CCDC171: variants seen among roughly 807,000 people sequenced by gnomAD.
CCDC171 encodes the protein coiled-coil domain-containing protein 171.
CCDC171 carries 177 observed loss-of-function variants against 168.2 expected under a neutral mutation model. The observed-to-expected ratio is 1.05, with a 90% confidence interval of 0.93 to 1.19. The LOEUF (loss-of-function observed/expected upper bound fraction) is 1.19, where lower values mean the gene tolerates loss of function less well. Ranked by LOEUF, CCDC171 falls within the 50% of genes most tolerant of loss-of-function variation. CCDC171 has a pLI of 0.00. For synonymous variants in CCDC171, 687 were observed against 540.8 expected, an observed-to-expected ratio of 1.27 and a Z score of -3.75; for missense variants, 1,991 against 1,539.0, an observed-to-expected ratio of 1.29 and a Z score of -4.91.
chr9:15,852,926 A>G (rs145600038), intron 23 of CCDC171, among the ~76,000 whole-genome samples: 54 of 151,748 alleles, frequency 3.6e-4, no homozygotes, highest in African/African-American at 1.3e-3. Context: ...TGGACTCTCA[A>G]TTCTGTTCCA....
chr9:15,906,617 C>T (rs1344189813), intron 24 of CCDC171, among the ~76,000 whole-genome samples: 1 of 152,152 alleles, frequency 6.6e-6, no homozygotes, highest in Non-Finnish European at 1.5e-5. Context: ...TGGCCCAAGA[C>T]AGGGATGCCC....
At chr9:15,909,866 A>T (rs1206525557) in intron 24 of CCDC171, among the ~76,000 whole-genome samples, 2 of 152,132 alleles carry the variant, frequency 1.3e-5, no homozygotes, top group African/African-American at 4.8e-5. Context: ...GTACAAATGC[A>T]GATTTCTTAC....
intron 24 of CCDC171, among the ~76,000 whole-genome samples, chr9:15,894,451 T>C (rs1820632932): frequency 6.6e-6 from 1 of 152,024 alleles, no homozygotes. Flanking sequence ...AAGAAAAATA[T>C]GAGTCATTTT....
intron 23 of CCDC171, among the ~76,000 whole-genome samples, chr9:15,859,490 A>G (rs2061471064): frequency 6.6e-6 from 1 of 151,934 alleles, no homozygotes; most frequent in Admixed American, 6.6e-5. Flanking sequence ...GTTTTATAGA[A>G]TTCATCAGTA....
chr9:16,050,421 C>A (rs960726352), intron 1 of CCDC171, among the ~76,000 whole-genome samples: 1 of 150,970 alleles, frequency 6.6e-6, no homozygotes. Context: ...ATACAATACT[C>A]ATTGTATTTT....
intron 7 of CCDC171, among the ~76,000 whole-genome samples, chr9:15,624,747 A>G (rs2044899815): frequency 1.3e-5 from 2 of 152,116 alleles, no homozygotes; most frequent in African/African-American, 4.8e-5. Context: ...AGTCTTTGCT[A>G]TTGTGAATAG....
chr9:15,642,971 A>G (rs1412680378), intron 7 of CCDC171, among the ~76,000 whole-genome samples: 1 of 152,184 alleles, frequency 6.6e-6, no homozygotes, highest in East Asian at 1.9e-4. Context: ...TATCATTTTG[A>G]TAAAGAAGCA....
chr9:15,947,250 C>T (rs1327194346), intron 25 of CCDC171, among the ~76,000 whole-genome samples: 1 of 151,912 alleles, frequency 6.6e-6, no homozygotes, highest in African/African-American at 2.4e-5. Flanking sequence ...ACGTTAAAAA[C>T]TTATAGGGTG....
intron 11 of CCDC171, among the ~76,000 whole-genome samples, chr9:15,699,576 C>T (rs1047589665): frequency 1.6e-4 from 25 of 152,126 alleles, no homozygotes; most frequent in African/African-American, 5.8e-4. Flanking sequence ...AGGTTCTCCA[C>T]GTCCCCACCA....
chr9:15,629,825 T>C (rs2045523098), intron 7 of CCDC171, among the ~76,000 whole-genome samples: 1 of 152,154 alleles, frequency 6.6e-6, no homozygotes, highest in South Asian at 2.1e-4. Context: ...TAACAGTGGA[T>C]CTCTCGGCAG....
chr9:15,623,475 G>GCGCGCGCGCGCGCACACA, intron 7 of CCDC171, 62 bp downstream of exon 7: 106 of 315,460 alleles, frequency 3.4e-4, no homozygotes, highest in African/African-American at 1.5e-3. Flanking sequence ...GCGCGCGCGC[G>GCGCGCGCGCGCGCACACA]CACACACACA....
chr9:15,891,493 T>A (rs1403579540), intron 24 of CCDC171, among the ~76,000 whole-genome samples: 2 of 152,194 alleles, frequency 1.3e-5, no homozygotes, highest in African/African-American at 4.8e-5. Flanking sequence ...AGGTCGATTA[T>A]GGAACAGACA....
chr9:15,867,296 A>G (rs1378564831), intron 23 of CCDC171, among the ~76,000 whole-genome samples: 1 of 152,064 alleles, frequency 6.6e-6, no homozygotes, highest in Non-Finnish European at 1.5e-5. Flanking sequence ...AGAGTAAATA[A>G]TAATATATAG....
intron 7 of CCDC171, among the ~76,000 whole-genome samples, chr9:15,650,213 C>T (rs769711100): frequency 1.3e-5 from 2 of 152,030 alleles, no homozygotes; most frequent in Non-Finnish European, 2.9e-5. Context: ...AACACTTGGA[C>T]ACAGGATGGG....
At chr9:15,956,708 A>G (rs1160556641) in intron 25 of CCDC171, among the ~76,000 whole-genome samples, 5 of 152,174 alleles carry the variant, frequency 3.3e-5, no homozygotes, top group Admixed American at 6.6e-5. Context: ...TTCAAGTACA[A>G]TGTATTTCAT....
chr9:15,832,668 C>T (rs1365648209), intron 21 of CCDC171, among the ~76,000 whole-genome samples: 1 of 152,154 alleles, frequency 6.6e-6, no homozygotes, highest in African/African-American at 2.4e-5. Context: ...CTGAGTGACT[C>T]AGTGAATGAG....
intron 1 of CCDC171, among the ~76,000 whole-genome samples, chr9:15,560,768 G>A (rs964821284): frequency 6.6e-6 from 1 of 152,066 alleles, no homozygotes; most frequent in African/African-American, 2.4e-5. Flanking sequence ...GCTTTGTTCC[G>A]TTGCTGGTGA....
chr9:15,892,435 C>T (rs1165008354), intron 24 of CCDC171, among the ~76,000 whole-genome samples: 1 of 152,072 alleles, frequency 6.6e-6, no homozygotes, highest in Non-Finnish European at 1.5e-5. Context: ...TTATTGAAGG[C>T]CTTTTCTGCA....
In CCDC171 at chr9:15,818,556, C is replaced by G. The variant is rs369299844; in HGVS notation, c.3268-28146C>G. 1.2e-3 allele frequency among the ~76,000 whole-genome samples: 142 copies of G among 118,280 alleles called. 41 individuals are homozygous for G. Among genetic ancestry groups the G allele is most frequent in the African/African-American group, 4.4e-3 (138 of 31,516 alleles). 77.6% of individuals were successfully genotyped at this position (118,280 alleles called of 152,430 possible). ...GAGAACTACGTGATAAATGCACAAG[C>G]CTCAGTAGCTGATTCGATCAACTAG... On this transcript the variant is annotated intron_variant, in intron 21 of 25. Transcript: ENST00000380701.
Sources: gnomAD v4.1 joint callset for allele counts (sites outside exome capture counted in the v4.1 genomes callset) on GRCh38, gnomAD v4.1.1 for gene constraint, MANE v1.5 for transcripts, NCBI Gene and HGNC (gene_info 2026-07-23, HGNC 2026-07-21) for gene names.